Variants in ADAMTSL1 observed in about 807,000 individuals in gnomAD.
ADAMTSL1 encodes ADAMTS like 1, also known as ADAMTS-like protein 1.
Under a neutral mutation model 201.8 loss-of-function variants are expected in ADAMTSL1, and 126 were observed. The ratio of observed to expected loss-of-function variants is 0.62; its 90% confidence interval spans 0.54 to 0.72. ADAMTSL1 has a LOEUF of 0.72. ADAMTSL1 is among the 30% of genes least tolerant of loss of function. The pLI is 0.00. For synonymous variants in ADAMTSL1, 1,121 were observed against 903.4 expected (o/e 1.24, Z -4.32); for missense variants, 2,679 against 2,277.8 (o/e 1.18, Z -3.59).
chr9:18,678,149 G>A (rs1039264009), intron 10 of ADAMTSL1, among the ~76,000 whole-genome samples: 1 of 151,988 alleles, frequency 6.6e-6, no homozygotes, highest in African/African-American at 2.4e-5. Context: ...ATTAATCTAT[G>A]CCACTCTTGT....
At chr9:18,661,207 G>A (rs934934685) in intron 8 of ADAMTSL1, among the ~76,000 whole-genome samples, 1 of 152,092 alleles carries the variant, frequency 6.6e-6, no homozygotes, top group Non-Finnish European at 1.5e-5. Flanking sequence ...TTTAAGAGAG[G>A]CTTCTTTAAA....
chr9:18,746,083 A>C (rs923529845), intron 15 of ADAMTSL1, among the ~76,000 whole-genome samples: 2 of 152,230 alleles, frequency 1.3e-5, no homozygotes, highest in African/African-American at 4.8e-5. Context: ...AGCCCTGGAC[A>C]TACTAGCTCC....
intron 1 of ADAMTSL1, among the ~76,000 whole-genome samples, chr9:17,929,840 T>C (rs1479305362): frequency 6.6e-6 from 1 of 152,186 alleles, no homozygotes; most frequent in African/African-American, 2.4e-5. Context: ...TTGCATTTTC[T>C]TTCATACACT....
chr9:18,193,702 C>T (rs144186616), intron 2 of ADAMTSL1, among the ~76,000 whole-genome samples: 2,399 of 152,248 alleles, frequency 0.016, 38 homozygotes, highest in Middle Eastern at 0.027. Context: ...TCTGTTTGGA[C>T]AGCCTACTCC....
intron 1 of ADAMTSL1, among the ~76,000 whole-genome samples, chr9:18,127,248 G>A (rs1825767611): frequency 6.6e-6 from 1 of 152,110 alleles, no homozygotes; most frequent in African/African-American, 2.4e-5. Flanking sequence ...AAAGCCATTT[G>A]CCTTCATAGC....
chr9:18,826,112 C>G (rs1324472929), intron 21 of ADAMTSL1, 172 bp from the exon 22 acceptor site: 1 of 715,690 alleles, frequency 1.4e-6, no homozygotes, highest in Non-Finnish European at 2.4e-6. Flanking sequence ...AAGTCTATAT[C>G]CTTATCCTAC....
chr9:18,031,688 A>T (rs945069389), intron 1 of ADAMTSL1, among the ~76,000 whole-genome samples: 1 of 152,170 alleles, frequency 6.6e-6, no homozygotes, highest in Non-Finnish European at 1.5e-5. Flanking sequence ...AGCCTTTTCC[A>T]ATCGTTGGCA....
In ADAMTSL1 at chr9:18,077,869, T is replaced by C. The variant is rs1159776756; in HGVS notation, c.88-85993T>C. Among the ~76,000 whole-genome samples the C allele has an allele frequency of 3.3e-5, 5 of 151,704 alleles. 1 individual carries two copies. Among genetic ancestry groups the C allele is most frequent in the African/African-American group, 9.7e-5 (4 of 41,334 alleles). On this transcript the variant is annotated intron_variant, in intron 1 of 29. Coordinates refer to the ADAMTSL1 transcript ENST00000680146. ...GAGGGGCTAGCCTTTTATGCAGGAG[T>C]TGTCTTTGGATGTAAGAGAAGAAGA...
At chr9:18,391,507 G>A (rs1838043583) in intron 2 of ADAMTSL1, among the ~76,000 whole-genome samples, 2 of 151,984 alleles carry the variant, frequency 1.3e-5, no homozygotes, top group African/African-American at 4.8e-5. Context: ...GAGCAGTGGT[G>A]CCATAATAGC....
intron 2 of ADAMTSL1, among the ~76,000 whole-genome samples, chr9:18,409,147 G>T (rs991681323): frequency 6.6e-6 from 1 of 151,918 alleles, no homozygotes; most frequent in Non-Finnish European, 1.5e-5. Context: ...ACTCCAGGAG[G>T]CCAAAGCAGG....
At chr9:17,914,300 G>C (rs1275293650) in intron 1 of ADAMTSL1, among the ~76,000 whole-genome samples, 2 of 152,054 alleles carry the variant, frequency 1.3e-5, no homozygotes, top group African/African-American at 4.8e-5. Flanking sequence ...GAATCCAGCA[G>C]CACATCAAAA....
At chr9:18,688,689 A>AAAAAAAAATAT (rs1554730404) in intron 13 of ADAMTSL1, among the ~76,000 whole-genome samples, 6 of 8,650 alleles carry the variant, frequency 6.9e-4, no homozygotes, top group Non-Finnish European at 8.9e-4. Context: ...AAAAAAAAAA[A>AAAAAAAAATAT]ATATATATAT....
At chr9:18,667,134 AG>A (rs1331630976) in intron 9 of ADAMTSL1, among the ~76,000 whole-genome samples, 1 of 151,950 alleles carries the variant, frequency 6.6e-6, no homozygotes, top group African/African-American at 2.4e-5. Context: ...CCTTCCCTCA[AG>A]GAATTCAGAG....
chr9:18,315,773 TC>T lies in ADAMTSL1; in HGVS notation c.207+151795del, dbSNP rs1211073089. Among the ~76,000 whole-genome samples, 19 of 152,234 alleles carry T rather than the reference TC, an allele frequency of 1.2e-4. No individual in the cohort carries two copies. The South Asian group carries it at 1.9e-3, about 15-fold the overall frequency. On this transcript the variant is annotated intron_variant, in intron 2 of 29. Transcript: ENST00000680146. ...GGCCTCAGCCAACCTAGAGAGGGGC[TC>T]CCAGAGTGCAGCAGTGGGCTGCAGT...
Position 18,829,965 on chromosome 9 carries a change from T to C in ADAMTSL1, c.4237T>C (p.Ser1413Pro), listed in dbSNP as rs1824870849. The C allele has an allele frequency of 6.2e-7, 1 of 1,611,274 alleles. No individual in the cohort carries two copies. Among genetic ancestry groups the C allele is most frequent in the Non-Finnish European group, 8.5e-7 (1 of 1,178,880 alleles). ...GTQLVLDPGN[S>P]ALLGCPIKGH... ...ACAGCTGGTCCTGGATCCTGGGAATTCTGCTCTCCTTGGTGAGTCTAACCC... is the reference window on the plus strand; with the variant it reads ...ACAGCTGGTCCTGGATCCTGGGAATCCTGCTCTCCTTGGTGAGTCTAACCC... The change falls in exon 23 of 29, where the codon TCT becomes CCT. Residue 1413 changes from serine to proline, a missense_variant. By Grantham distance (74) the Ser-to-Pro change is moderately conservative. Transcript: ENST00000380548.
chr9:18,846,932 G>C (rs1174899072), intron 23 of ADAMTSL1, among the ~76,000 whole-genome samples: 1 of 152,172 alleles, frequency 6.6e-6, no homozygotes, highest in African/African-American at 2.4e-5. Context: ...TAGTGGTGGT[G>C]ACACATCCCA....
chr9:18,508,904 G>T (rs1409150951), intron 2 of ADAMTSL1, among the ~76,000 whole-genome samples: 1 of 95,618 alleles, frequency 1.0e-5, no homozygotes, highest in East Asian at 2.0e-4. Flanking sequence ...AGAAATAGAG[G>T]CCGGGCGCGG....
chr9:17,913,411 C>T (rs1825967270), intron 1 of ADAMTSL1, among the ~76,000 whole-genome samples: 1 of 152,140 alleles, frequency 6.6e-6, no homozygotes, highest in Admixed American at 6.5e-5. Context: ...AGGTCCTTCA[C>T]ATCCCTTGTA....
At position 17,914,795 on chromosome 9, in the gene ADAMTSL1, CCTTAAGCTGATAAGCAA is replaced by C. The variant is rs572826862; in HGVS notation, c.87+7877_87+7893del. Among the ~76,000 whole-genome samples, 253 of 151,662 alleles carry C rather than the reference CCTTAAGCTGATAAGCAA, an allele frequency of 1.7e-3. 2 individuals carry two copies. Among genetic ancestry groups the C allele is most frequent in the African/African-American group, 5.7e-3 (235 of 41,060 alleles). ...ACCACATTGTCTCAGCCCAAAATCT[CCTTAAGCTGATAAGCAA>C]CTTCAGCAAAGTCTCAGGATACAAA... On this transcript the variant is annotated intron_variant, in intron 1 of 29. Coordinates refer to the ADAMTSL1 transcript ENST00000680146.
Sources: gnomAD v4.1 joint callset for allele counts (sites outside exome capture counted in the v4.1 genomes callset) on GRCh38, gnomAD v4.1.1 for gene constraint, MANE v1.5 for transcripts, NCBI Gene and HGNC (gene_info 2026-07-23, HGNC 2026-07-21) for gene names.